The following MARCO variants were observed in gnomAD, a reference collection of about 807,000 sequenced individuals.
MARCO encodes macrophage receptor with collagenous structure.
A neutral mutation model predicts 70.0 loss-of-function variants in MARCO; 72 were observed. That is an observed-to-expected ratio of 1.03 (90% CI 0.85 to 1.25). MARCO has a LOEUF of 1.25. MARCO is among the 50% of genes most tolerant of loss of function. MARCO has a pLI of 0.00. For synonymous variants in MARCO, 273 were observed against 243.1 expected (o/e 1.12, Z -1.14); for missense variants, 696 against 659.3 (o/e 1.06, Z -0.61).
intron 11 of MARCO, 37 bp from the exon 12 acceptor site, chr2:118,982,311 T>G (rs781276459): frequency 1.9e-6 from 3 of 1,613,128 alleles, no homozygotes; most frequent in Non-Finnish European, 2.5e-6. Flanking sequence ...ACCTGCCTAG[T>G]CCAGCCCTTA....
At chr2:118,949,594 T>A (rs1162014043) in intron 1 of MARCO, 1 of 151,804 alleles carries the variant, frequency 6.6e-6, no homozygotes, top group East Asian at 1.9e-4. Context: ...TTAGAGTTGC[T>A]GGTGGTAGGA....
At chr2:118,976,044 C>T (rs1410374892) in intron 6 of MARCO, among the ~76,000 whole-genome samples, 1 of 152,032 alleles carries the variant, frequency 6.6e-6, no homozygotes, top group Non-Finnish European at 1.5e-5. Context: ...TGAAACTCAC[C>T]AGAGTGGAGC....
At chr2:118,990,541 C>T (rs543299098) in intron 12 of MARCO, 48 bp from the exon 13 acceptor site, 8 of 1,581,866 alleles carry the variant, frequency 5.1e-6, no homozygotes, top group Non-Finnish European at 6.9e-6. Context: ...TGTCTAATAC[C>T]TAAGTTTTAT....
At chr2:118,970,903 C>T (rs1004035642) in intron 3 of MARCO, among the ~76,000 whole-genome samples, 23 of 152,218 alleles carry the variant, frequency 1.5e-4, no homozygotes, top group African/African-American at 5.5e-4. Context: ...CCCCGTGACA[C>T]AGAGCTCCAG....
chr2:118,970,042 C>T, intron 2 of MARCO, 72 bp from the exon 3 acceptor site: 3 of 1,308,532 alleles, frequency 2.3e-6, no homozygotes, highest in Non-Finnish European at 3.3e-6. Context: ...GTTATGCACA[C>T]ATGACACAAG....
intron 6 of MARCO, 114 bp downstream of exon 6, chr2:118,974,679 G>C: frequency 1.0e-6 from 1 of 998,900 alleles, no homozygotes; most frequent in Non-Finnish European, 1.5e-6. Flanking sequence ...GGGTCTGTAG[G>C]TGAACGGAGG....
chr2:118,954,683 C>T (rs556829960), intron 1 of MARCO, among the ~76,000 whole-genome samples: 69 of 152,290 alleles, frequency 4.5e-4, no homozygotes, highest in African/African-American at 1.5e-3. Context: ...CTGCTGCGTC[C>T]GCTGGAACAG....
Position 118,983,103 on chromosome 2 carries a change from G to C in MARCO, c.1063+693G>C, listed in dbSNP as rs1025304356. ...CAGTGAACAGAGACTGTTGCCAGAT[G>C]ATGTGGGCACACTCTGATTGGGCAT... is the stretch of plus-strand genomic sequence containing the variant. On this transcript the variant is annotated intron_variant, in intron 12 of 16. Transcript: ENST00000327097. Among the ~76,000 whole-genome samples, 10 of 152,312 alleles carry C rather than the reference G, an allele frequency of 6.6e-5. No individual in the cohort carries two copies. The East Asian group carries it at 1.9e-3, about 29-fold the overall frequency.
At position 118,981,667 on chromosome 2, in the gene MARCO, C is replaced by T. The variant is rs1680395122; in HGVS notation, c.901+11C>T. ...CTAAAGGAGATCAAGGTAAGAACTA[C>T]AGGAATCTGGGCATCATCCCAGCTA... is the stretch of plus-strand genomic sequence containing the variant. On this transcript the variant is annotated intron_variant, in intron 10 of 16. Transcript: ENST00000327097. 1.9e-6 allele frequency: 3 copies of T among 1,612,844 alleles called. No homozygotes were observed. In the South Asian group the frequency reaches 3.3e-5, roughly 18 times the overall value.
chr2:118,947,831 T>C (rs1005182405), intron 1 of MARCO, among the ~76,000 whole-genome samples: 4 of 152,220 alleles, frequency 2.6e-5, no homozygotes, highest in Admixed American at 6.5e-5. Context: ...TTTTTGCCTT[T>C]CCATATAAAT....
chr2:118,978,092 G>A (rs548458165), intron 8 of MARCO, among the ~76,000 whole-genome samples, 157 bp downstream of exon 8: 7 of 152,256 alleles, frequency 4.6e-5, no homozygotes, highest in African/African-American at 1.2e-4. Flanking sequence ...TCTTCTTTCC[G>A]GGTGAGCAAA....
chr2:118,951,831 C>T (rs1281686136), intron 1 of MARCO, among the ~76,000 whole-genome samples: 1 of 152,034 alleles, frequency 6.6e-6, no homozygotes, highest in Non-Finnish European at 1.5e-5. Flanking sequence ...CTCTCTTTTA[C>T]TACCTCTTTA....
At chr2:118,967,713 G>A (rs923086262) in intron 1 of MARCO, among the ~76,000 whole-genome samples, 1 of 152,170 alleles carries the variant, frequency 6.6e-6, no homozygotes, top group Non-Finnish European at 1.5e-5. Context: ...CTGTGCGGGG[G>A]TTGGAAGGAA....
chr2:118,959,675 T>C (rs776511973), intron 1 of MARCO, among the ~76,000 whole-genome samples: 2 of 152,340 alleles, frequency 1.3e-5, no homozygotes, highest in Middle Eastern at 3.4e-3. Flanking sequence ...TTGAAAAAGA[T>C]ACTTGCACAT....
chr2:118,977,515 G>A lies in MARCO; in HGVS notation c.658G>A (p.Gly220Ser), dbSNP rs1460374110. The A allele has an allele frequency of 1.2e-6, 2 of 1,613,770 alleles. No individual in the cohort carries two copies. Among genetic ancestry groups the A allele is most frequent in the Non-Finnish European group, 1.7e-6 (2 of 1,179,806 alleles). ...QGAPGKQGATGTPGPQGEKGS... is the reference protein window; with the variant it reads ...QGAPGKQGATSTPGPQGEKGS... The stretch of plus-strand genomic sequence containing the variant: ...TGCTCCAGGGAAGCAAGGAGCCACT[G>A]GTAACTTGTACTTGCTCTGCTAGGG... The change falls in exon 7 of 17, where the codon GGC becomes AGC. Residue 220 changes from glycine to serine, a missense_variant and splice_region_variant. This residue lies in a region of MARCO where 605 missense variants were observed against 537.6 expected (regional missense o/e 1.13). Transcript: ENST00000327097.
chr2:118,990,587 A>G lies in MARCO; in HGVS notation c.1064-2A>G. On this transcript the variant is annotated splice_acceptor_variant, in intron 12 of 16. Transcript: ENST00000327097. LOFTEE classifies it high-confidence loss of function. ...CCCCCCCCTTTTTTGTTTTGATCTT[A>G]GGACTTCAAGGACAGCAAGGAAGAA... The G allele has an allele frequency of 1.3e-6, 1 of 779,740 alleles. No individual in the cohort carries two copies. Among genetic ancestry groups the G allele is most frequent in the Non-Finnish European group, 2.1e-6 (1 of 476,222 alleles). The allele number at this position is 779,740 out of a possible 1,614,324, so 48.3% of individuals were successfully genotyped here.
intron 1 of MARCO, among the ~76,000 whole-genome samples, chr2:118,955,895 G>A (rs1168151552): frequency 6.6e-6 from 1 of 152,150 alleles, no homozygotes; most frequent in Non-Finnish European, 1.5e-5. Flanking sequence ...TTTCTGCCAA[G>A]CAAATGCTGA....
intron 3 of MARCO, among the ~76,000 whole-genome samples, chr2:118,970,703 G>A (rs1252853416): frequency 6.6e-6 from 1 of 152,204 alleles, no homozygotes; most frequent in Non-Finnish European, 1.5e-5. Context: ...GACTTGGGTG[G>A]TAGGGCTGCA....
intron 4 of MARCO, among the ~76,000 whole-genome samples, chr2:118,973,475 T>C (rs1680214032): frequency 6.6e-6 from 1 of 152,208 alleles, no homozygotes; most frequent in Non-Finnish European, 1.5e-5. Flanking sequence ...GCTGGGGCTA[T>C]AGAAGTCTCG....
Sources: allele counts gnomAD v4.1 joint callset (sites outside exome capture counted in the v4.1 genomes callset), GRCh38; gene constraint gnomAD v4.1.1; regional missense constraint gnomAD v4.1.1; transcripts MANE v1.5; gene names NCBI Gene and HGNC (gene_info 2026-07-23, HGNC 2026-07-21).